Variants in ZNF773 observed in about 807,000 individuals in gnomAD.
ZNF773 encodes zinc finger protein 419B.
ZNF773 carries 11 observed loss-of-function variants against 12.8 expected under a neutral mutation model. The ratio of observed to expected loss-of-function variants is 0.86; its 90% CI spans 0.54 to 1.42. The LOEUF is 1.42. Among genes scored for constraint, ZNF773 ranks in the 40% most tolerant of loss-of-function variants. The probability of loss-of-function intolerance (pLI) is 0.00; values close to 1 mark genes in which losing one functional copy is unlikely to be tolerated. For missense variants in ZNF773, 518 were observed against 527.2 expected, an observed-to-expected ratio of 0.98 and a Z score of 0.17; for synonymous variants, 175 against 178.4, an observed-to-expected ratio of 0.98 and a Z score of 0.15.
Position 57,506,898 on chromosome 19 carries a change from T to G in ZNF773, c.803T>G (p.Val268Gly), listed in dbSNP as rs745457896. Residue 268 changes from valine (V) to glycine (G), a missense_variant, in exon 4 of 4, where the codon GTT becomes GGT. Val to Gly is a moderately radical substitution (Grantham distance 109). Coordinates refer to ENST00000282292, the MANE Select transcript of ZNF773 (RefSeq NM_198542.3). The part of the protein sequence containing the change: ...RNADLIQHQR[V>G]HTGEKPFTCS... ...GCTGACCTCATTCAACACCAGAGAGTTCACACTGGAGAAAAGCCTTTTACA... is the reference window on the plus strand; with the variant it reads ...GCTGACCTCATTCAACACCAGAGAGGTCACACTGGAGAAAAGCCTTTTACA... 2 of 1,613,960 alleles carry G rather than the reference T, an allele frequency of 1.2e-6. No individual in the cohort carries two copies. The highest frequency in any genetic ancestry group is 1.7e-6 in the Non-Finnish European group (2 of 1,180,014).
At chr19:57,501,861 G>A (rs1179940346) in intron 1 of ZNF773, among the ~76,000 whole-genome samples, 1 of 152,158 alleles carries the variant, frequency 6.6e-6, no homozygotes. Context: ...CTCCTTGCTG[G>A]CTATTCTCCC....
In ZNF773 at chr19:57,507,063, G is replaced by C; in HGVS notation, c.968G>C (p.Arg323Thr). Reference protein sequence around the residue: ...SFNSSLMKHQRVHTGERPYKC... With the variant: ...SFNSSLMKHQTVHTGERPYKC... ...AACTCCAGCCTCATGAAACATCAGA[G>C]AGTTCACACTGGAGAAAGACCTTAT... Residue 323 changes from arginine (R) to threonine (T), a missense_variant, in exon 4 of 4, where the codon AGA becomes ACA. Coordinates refer to ENST00000282292, the MANE Select transcript of ZNF773 (RefSeq NM_198542.3). 1 of 1,613,918 alleles carries C rather than the reference G, an allele frequency of 6.2e-7. No individual in the cohort carries two copies. Among genetic ancestry groups the C allele is most frequent in the Non-Finnish European group, 8.5e-7 (1 of 1,179,956 alleles).
chr19:57,501,797 C>T (rs1400603354), intron 1 of ZNF773, among the ~76,000 whole-genome samples: 1 of 152,088 alleles, frequency 6.6e-6, no homozygotes, highest in Non-Finnish European at 1.5e-5. Context: ...GTCTCAGGCC[C>T]TCACCCTCCT....
At chr19:57,513,172 C>T (rs1045824852), downstream of ZNF773, 17 of 1,263,232 alleles carry the variant, frequency 1.3e-5, no homozygotes, top group Admixed American at 1.9e-4. Flanking sequence ...TAAAGAGGTA[C>T]TGGGAGTGGG....
At chr19:57,508,575 C>A, downstream of ZNF773, 1 of 698,900 alleles carries the variant, frequency 1.4e-6, no homozygotes, top group East Asian at 2.7e-5. Flanking sequence ...GTAAGTTGAT[C>A]CAAATGTTTC....
intron 3 of ZNF773, 58 bp from the exon 4 acceptor site, chr19:57,506,300 G>C: frequency 6.4e-7 from 1 of 1,555,992 alleles, no homozygotes; most frequent in East Asian, 2.2e-5. Flanking sequence ...ACGTGTGAGA[G>C]TGCTGCCTTC....
At chr19:57,508,317 G>C, downstream of ZNF773, 1 of 796,158 alleles carries the variant, frequency 1.3e-6, no homozygotes, top group Non-Finnish European at 1.5e-6. Context: ...GAGAGAGGGA[G>C]CCCTGTATTG....
downstream of ZNF773, chr19:57,513,078 G>C: frequency 6.6e-7 from 1 of 1,523,880 alleles, no homozygotes; most frequent in Non-Finnish European, 8.8e-7. Flanking sequence ...AAGAAGGTCT[G>C]CTGGAGCAGA....
In ZNF773 at chr19:57,507,468, C is replaced by G. The variant is rs111525882; in HGVS notation, c.*44C>G. 45 of 1,543,320 alleles carry G rather than the reference C, an allele frequency of 2.9e-5. 1 individual carries two copies. The Middle Eastern group carries it at 8.8e-4, about 30-fold the overall frequency. On this transcript the variant is annotated 3_prime_UTR_variant, in exon 4 of 4. Transcript: ENST00000282292. ...CTGGTGTTTCAACCTCATTCAACAC[C>G]AGAAAGTTCACAGTGTAAAAAAGTC...
At chr19:57,508,838 A>G (rs12982849), downstream of ZNF773, among the ~76,000 whole-genome samples, 118 of 151,624 alleles carry the variant, frequency 7.8e-4, no homozygotes, top group Middle Eastern at 3.4e-3. Flanking sequence ...TTCGTTAGTC[A>G]AATGTCAGTT....
In ZNF773 at chr19:57,508,157, A is replaced by AT; in HGVS notation, c.*733_*734insT. The AT allele has an allele frequency of 2.1e-5, 7 of 340,388 alleles. No homozygotes were observed. The highest frequency in any genetic ancestry group is 2.3e-5 in the Non-Finnish European group (7 of 301,554). The allele number at this position is 340,388 out of a possible 1,614,324, so 21.1% of individuals were successfully genotyped here. On this transcript the variant is annotated 3_prime_UTR_variant, in exon 4 of 4. Transcript: ENST00000282292. ...CTTCGTCTCAAAAAAAAAAAAAAAAAACAAAAAAAACCCAGAAACTCTGAG... is the reference window on the plus strand; with the variant it reads ...CTTCGTCTCAAAAAAAAAAAAAAAAATACAAAAAAAACCCAGAAACTCTGAG...
At chr19:57,516,199 G>T (rs2089831099), downstream of ZNF773, 2 of 155,836 alleles carry the variant, frequency 1.3e-5, no homozygotes, top group South Asian at 1.8e-4. Flanking sequence ...ACAGAACAAG[G>T]ACCGACTGGA....
downstream of ZNF773, among the ~76,000 whole-genome samples, chr19:57,509,911 A>G (rs1397330842): frequency 6.6e-6 from 1 of 152,218 alleles, no homozygotes; most frequent in Non-Finnish European, 1.5e-5. Flanking sequence ...AAACTCTTCC[A>G]AAAAGAGAAA....
At chr19:57,506,283 G>C in intron 3 of ZNF773, 75 bp from the exon 4 acceptor site, 1 of 1,535,664 alleles carries the variant, frequency 6.5e-7, no homozygotes, top group Non-Finnish European at 8.7e-7. Context: ...TACCAGGTGT[G>C]TCAGACACGT....
rs1358929176 is a variant in ZNF773, at chr19:57,506,628, C to T, written c.533C>T (p.Ser178Phe). 4 of 1,614,152 alleles carry T rather than the reference C, an allele frequency of 2.5e-6. No individual in the cohort carries two copies. Among genetic ancestry groups the T allele is most frequent in the Non-Finnish European group, 3.4e-6 (4 of 1,180,022 alleles). Residue 178 changes from serine to phenylalanine, a missense_variant, in exon 4 of 4, where the codon TCC (serine) becomes TTC (phenylalanine). Coordinates refer to ENST00000282292, the MANE Select transcript of ZNF773 (RefSeq NM_198542.3). ...ACGGGAGAGAAGTCACATAGGAGCT[C>T]CAAAAGTAGGGAGGCCTTTCATGCT... ...THTGEKSHRSSKSREAFHAGK... is the reference protein window; with the variant it reads ...THTGEKSHRSFKSREAFHAGK...
chr19:57,503,280 G>C (rs867024992), intron 1 of ZNF773, among the ~76,000 whole-genome samples: 3 of 152,234 alleles, frequency 2.0e-5, no homozygotes, highest in Admixed American at 1.3e-4. Context: ...AGGTCCTATT[G>C]GTAATGCCAT....
At chr19:57,514,775 GAAATGTCGACTGCATGGC>G (rs1430506555), downstream of ZNF773, 1 of 152,344 alleles carries the variant, frequency 6.6e-6, no homozygotes, top group East Asian at 1.9e-4. Flanking sequence ...CACAGCATGG[GAAATGTCGACTGCATGGC>G]AAATCACTCT....
downstream of ZNF773, among the ~76,000 whole-genome samples, chr19:57,511,493 C>G (rs2089795591): frequency 6.6e-6 from 1 of 152,164 alleles, no homozygotes; most frequent in Non-Finnish European, 1.5e-5. Flanking sequence ...GAAATACACT[C>G]ACACAACACT....
downstream of ZNF773, chr19:57,513,693 C>T (rs7508432): frequency 0.36 from 54,964 of 152,116 alleles, 10,317 homozygotes; most frequent in East Asian, 0.62. Flanking sequence ...AGTAAAAGAG[C>T]GATTGGATGC....
Sources: gnomAD v4.1 joint callset for allele counts (sites outside exome capture counted in the v4.1 genomes callset) on GRCh38, gnomAD v4.1.1 for gene constraint, MANE v1.5 for transcripts, NCBI Gene and HGNC (gene_info 2026-07-23, HGNC 2026-07-21) for gene names.